PTPN13: variants seen among roughly 807,000 people sequenced by gnomAD.
PTPN13 encodes the protein tyrosine-protein phosphatase non-receptor type 13.
A neutral mutation model predicts 284.0 loss-of-function variants in PTPN13; 191 were observed. The ratio of observed to expected loss-of-function variants is 0.67; its 90% CI spans 0.60 to 0.76. The LOEUF (loss-of-function observed/expected upper bound fraction) is 0.76. PTPN13 is among the 30% of genes least tolerant of loss of function. The pLI is 0.00. For missense variants in PTPN13, 2,797 were observed against 2,939.9 expected (o/e 0.95, Z 1.12); for synonymous variants, 986 against 1,022.3 (o/e 0.96, Z 0.68).
intron 40 of PTPN13, among the ~76,000 whole-genome samples, chr4:86,786,703 T>TA (rs1388364724): frequency 6.6e-6 from 1 of 152,210 alleles, no homozygotes; most frequent in East Asian, 1.9e-4. Context: ...GTCATGACTT[T>TA]ATCACATTTT....
intron 9 of PTPN13, among the ~76,000 whole-genome samples, chr4:86,718,252 A>C (rs902536750): frequency 2.0e-5 from 3 of 152,190 alleles, no homozygotes; most frequent in Non-Finnish European, 4.4e-5. Context: ...TTTAATTCAG[A>C]TGCTACCAAA....
intron 1 of PTPN13, among the ~76,000 whole-genome samples, chr4:86,633,032 C>G (rs1037962090): frequency 1.3e-5 from 2 of 152,068 alleles, no homozygotes; most frequent in African/African-American, 2.4e-5. Context: ...TTTTGAACTT[C>G]TGGCCTGAAG....
chr4:86,759,138 T>A, intron 23 of PTPN13, 65 bp downstream of exon 23: 1 of 1,515,382 alleles, frequency 6.6e-7, no homozygotes, highest in Non-Finnish European at 8.9e-7. Flanking sequence ...TTTTTAGTGA[T>A]ATTCGCACAA....
rs116007164 is a variant in PTPN13 at position 86,616,548 on chromosome 4, G to A, written c.-5-18704G>A. 6.4e-3 allele frequency among the ~76,000 whole-genome samples: 978 copies of A among 152,020 alleles called. 14 individuals carry two copies. Among genetic ancestry groups the A allele is most frequent in the African/African-American group, 0.022 (912 of 41,448 alleles). On this transcript the variant is annotated intron_variant, in intron 1 of 47. Coordinates refer to ENST00000411767, the MANE Select transcript of PTPN13 (RefSeq NM_080683.3). ...AGGTATTTAGATCGTGGGGCCATGG[G>A]GGGTGGGTGGGCAGATTTCTCATGA... is the stretch of plus-strand genomic sequence containing the variant.
At chr4:86,695,901 G>T (rs756715507) in intron 6 of PTPN13, among the ~76,000 whole-genome samples, 128 of 152,034 alleles carry the variant, frequency 8.4e-4, no homozygotes, top group Non-Finnish European at 1.5e-3. Flanking sequence ...ATTCACATAT[G>T]ATTTATTTAT....
At chr4:86,649,825 G>A (rs970648988) in intron 2 of PTPN13, among the ~76,000 whole-genome samples, 3 of 152,152 alleles carry the variant, frequency 2.0e-5, no homozygotes, top group Non-Finnish European at 2.9e-5. Context: ...CATGCGTCAT[G>A]TCTAAACCTG....
intron 20 of PTPN13, among the ~76,000 whole-genome samples, chr4:86,755,929 ACTCAACCATTAGTCTC>A (rs1373287420): frequency 6.6e-6 from 1 of 151,292 alleles, no homozygotes; most frequent in Non-Finnish European, 1.5e-5. Flanking sequence ...AACCAGAGCA[ACTCAACCATTAGTCTC>A]CTCAAGCCAT....
chr4:86,596,793 T>C (rs146338023), intron 1 of PTPN13, among the ~76,000 whole-genome samples: 1,585 of 152,316 alleles, frequency 0.01, 10 homozygotes, highest in Non-Finnish European at 0.013. Flanking sequence ...GATAAACTAT[T>C]ACTTCTTTTT....
rs1469955684 is a variant in PTPN13, at chr4:86,758,695, G to C, written c.3331G>C (p.Gly1111Arg). 1 of 1,613,096 alleles carries C rather than the reference G, an allele frequency of 6.2e-7. No individual in the cohort carries two copies. Among genetic ancestry groups the C allele is most frequent in the Admixed American group, 1.7e-5 (1 of 59,984 alleles). The change falls in exon 22 of 48, where the codon GGG becomes CGG. Residue 1111 changes from glycine to arginine, a missense_variant. By Grantham distance (125) the Gly-to-Arg change is moderately radical. Transcript: ENST00000411767. ...KYGLGFQIIG[G>R]EKMGRLDLGI... ...TTTTACAGGATTTCAAATTATTGGT[G>C]GGGAGAAGATGGGAAGACTGGACCT... is the stretch of plus-strand genomic sequence containing the variant.
chr4:86,736,352 G>A (rs773924617), intron 15 of PTPN13, among the ~76,000 whole-genome samples: 1 of 152,126 alleles, frequency 6.6e-6, no homozygotes, highest in East Asian at 1.9e-4. Context: ...AATGCAAATA[G>A]CAAATATAAG....
chr4:86,807,941 G>A, intron 45 of PTPN13, 44 bp downstream of exon 45: 1 of 1,516,288 alleles, frequency 6.6e-7, no homozygotes, highest in Non-Finnish European at 9.0e-7. Flanking sequence ...GTATCTCCTA[G>A]TTGTAATCCA....
At chr4:86,810,954 A>G in intron 46 of PTPN13, 92 bp from the exon 47 acceptor site, 2 of 1,249,718 alleles carry the variant, frequency 1.6e-6, no homozygotes, top group Non-Finnish European at 2.3e-6. Context: ...AGTGGGATAC[A>G]GAATTTTACA....
chr4:86,669,842 C>A (rs1313744759), intron 2 of PTPN13, among the ~76,000 whole-genome samples: 4 of 152,108 alleles, frequency 2.6e-5, no homozygotes, highest in Non-Finnish European at 5.9e-5. Flanking sequence ...AACAGTTACA[C>A]TCAAAATCAT....
chr4:86,697,598 A>C (rs1730708819), intron 6 of PTPN13, among the ~76,000 whole-genome samples: 1 of 152,142 alleles, frequency 6.6e-6, no homozygotes, highest in African/African-American at 2.4e-5. Flanking sequence ...ATTTCCTGCC[A>C]AGCTTAAGGT....
intron 42 of PTPN13, among the ~76,000 whole-genome samples, chr4:86,801,355 G>T (rs953024070): frequency 3.3e-5 from 5 of 152,212 alleles, no homozygotes; most frequent in African/African-American, 1.2e-4. Flanking sequence ...CTTTCACCAT[G>T]TGCTTAGAAG....
At chr4:86,741,281 AAG>A (rs1736140619) in intron 15 of PTPN13, among the ~76,000 whole-genome samples, 1 of 152,214 alleles carries the variant, frequency 6.6e-6, no homozygotes, top group South Asian at 2.1e-4. Context: ...CAATTTGCAA[AAG>A]AGAGAGCTTT....
chr4:86,800,620 C>G (rs145359870), intron 42 of PTPN13, among the ~76,000 whole-genome samples: 339 of 150,492 alleles, frequency 2.3e-3, no homozygotes, highest in Non-Finnish European at 3.9e-3. Context: ...TCACTGCACT[C>G]CAGCCTGGGT....
At chr4:86,763,975 G>A (rs564628046) in intron 24 of PTPN13, among the ~76,000 whole-genome samples, 131 of 151,948 alleles carry the variant, frequency 8.6e-4, no homozygotes, top group Non-Finnish European at 1.6e-3. Context: ...TTCACAAGCA[G>A]TTTTAGAAAA....
chr4:86,791,243 A>G (rs1043192000), intron 40 of PTPN13, among the ~76,000 whole-genome samples: 1 of 152,226 alleles, frequency 6.6e-6, no homozygotes, highest in South Asian at 2.1e-4. Flanking sequence ...GCTCACTGCC[A>G]GCGCAGCAGT....
Sources: allele counts gnomAD v4.1 joint callset (sites outside exome capture counted in the v4.1 genomes callset), GRCh38; gene constraint gnomAD v4.1.1; transcripts MANE v1.5; gene names NCBI Gene and HGNC (gene_info 2026-07-23, HGNC 2026-07-21).